GOPC: variants seen among roughly 807,000 people sequenced by gnomAD.
GOPC encodes the protein Golgi-associated PDZ and coiled-coil motif-containing protein.
A neutral mutation model predicts 51.2 loss-of-function variants in GOPC; 32 were observed. The ratio of observed to expected loss-of-function variants is 0.63; its 90% CI spans 0.47 to 0.84. The LOEUF is 0.84. GOPC is among the 40% of genes least tolerant of loss of function. The pLI is 0.00. For synonymous variants in GOPC, 190 were observed against 205.1 expected (o/e 0.93, Z 0.63); for missense variants, 441 against 555.5 (o/e 0.79, Z 2.07).
chr6:117,585,856 G>A (rs951569884), intron 1 of GOPC, among the ~76,000 whole-genome samples: 2 of 152,158 alleles, frequency 1.3e-5, no homozygotes, highest in African/African-American at 4.8e-5. Context: ...AACAGATGCA[G>A]GTACAGATAT....
At chr6:117,589,940 CA>C (rs1349037389) in intron 1 of GOPC, among the ~76,000 whole-genome samples, 2 of 151,964 alleles carry the variant, frequency 1.3e-5, no homozygotes, top group Non-Finnish European at 2.9e-5. Context: ...AATTTTTTCC[CA>C]AAATAAGATA....
chr6:117,571,859 A>T (rs754170152), intron 5 of GOPC, among the ~76,000 whole-genome samples: 1 of 152,076 alleles, frequency 6.6e-6, no homozygotes, highest in Admixed American at 6.6e-5. Context: ...AGTTTTTATT[A>T]CACTACTTTC....
chr6:117,569,747 C>A lies in GOPC; in HGVS notation c.913-11G>T. On this transcript the variant is annotated splice_polypyrimidine_tract_variant and intron_variant, in intron 6 of 8. Transcript: ENST00000368498. Reference sequence around the variant, plus strand: ...ATGTTCTTTCCCACCCTAACAACAACAAAGGGCAGTAAATTAAAGTACTCT... The same window carrying A: ...ATGTTCTTTCCCACCCTAACAACAAAAAAGGGCAGTAAATTAAAGTACTCT... The A allele has an allele frequency of 6.4e-7, 1 of 1,568,246 alleles. No homozygotes were observed. The highest frequency in any genetic ancestry group is 8.6e-7 in the Non-Finnish European group (1 of 1,162,496).
intron 1 of GOPC, among the ~76,000 whole-genome samples, chr6:117,599,297 A>G (rs1363800586): frequency 2.0e-5 from 3 of 152,212 alleles, no homozygotes; most frequent in Admixed American, 2.0e-4. Flanking sequence ...CTTAATGTCC[A>G]TATAATTAAA....
intron 1 of GOPC, among the ~76,000 whole-genome samples, chr6:117,583,205 A>G (rs1243026604): frequency 6.6e-6 from 1 of 152,018 alleles, no homozygotes; most frequent in East Asian, 1.9e-4. Flanking sequence ...CAGTTCTCAT[A>G]CTCGTTTGCT....
At chr6:117,580,047 A>G (rs1779936087) in intron 1 of GOPC, among the ~76,000 whole-genome samples, 1 of 152,102 alleles carries the variant, frequency 6.6e-6, no homozygotes, top group African/African-American at 2.4e-5. Context: ...AAAAAGATTC[A>G]TACTGAAAGT....
Position 117,570,974 on chromosome 6 carries a change from GA to G in GOPC, c.817-20del. The G allele has an allele frequency of 7.7e-7, 1 of 1,295,792 alleles. No individual in the cohort carries two copies. Among genetic ancestry groups the G allele is most frequent in the Non-Finnish European group, 1.1e-6 (1 of 907,660 alleles). 80.3% of individuals were successfully genotyped at this position (1,295,792 alleles called of 1,614,324 possible). ...CTTGATCCTTATTGGGAGGAAAAAA[GA>G]AGAAAAAGTAGTATCATTTAAATAG... On this transcript the variant is annotated intron_variant, in intron 5 of 8. Transcript: ENST00000368498.
intron 4 of GOPC, among the ~76,000 whole-genome samples, chr6:117,574,802 C>G (rs892740931): frequency 6.6e-5 from 10 of 152,110 alleles, no homozygotes; most frequent in African/African-American, 9.7e-5. Flanking sequence ...AAGAGTAGGC[C>G]AGGTGCGGTG....
Position 117,602,347 on chromosome 6 carries a change from G to A in GOPC, c.-59C>T. On this transcript the variant is annotated 5_prime_UTR_variant, in exon 1 of 9. Transcript: ENST00000368498. ...ACCCTCGCCGCCCCCCGCGCACGAA[G>A]GGAACTGCTGGGACTGAGGGGACCC... 6.8e-7 allele frequency: 1 copy of A among 1,478,334 alleles called. No homozygotes were observed. Among genetic ancestry groups the A allele is most frequent in the Admixed American group, 2.4e-5 (1 of 42,410 alleles). 91.6% of individuals were successfully genotyped at this position (1,478,334 alleles called of 1,614,324 possible).
rs764880210 is a variant in GOPC, at chr6:117,566,845, GATT to G, written c.1258+6_1258+8del. The G allele has an allele frequency of 6.6e-7, 1 of 1,526,076 alleles. No individual in the cohort carries two copies. The highest frequency in any genetic ancestry group is 1.3e-5 in the South Asian group (1 of 76,250). The allele number at this position is 1,526,076 out of a possible 1,614,324, so 94.5% of individuals were successfully genotyped here. A position where few individuals can be genotyped will look rare whatever the true frequency, so the allele number is the denominator to read the frequency against. ...ATATGTTAATAATAATTTTTAGAGT[GATT>G]TTTACCTTGTAATACTTTGATTTCC... is the stretch of plus-strand genomic sequence containing the variant. On this transcript the variant is annotated splice_donor_region_variant and intron_variant, in intron 8 of 8. Transcript: ENST00000368498.
At chr6:117,599,569 CACAA>C (rs1319497287) in intron 1 of GOPC, among the ~76,000 whole-genome samples, 1 of 152,236 alleles carries the variant, frequency 6.6e-6, no homozygotes, top group East Asian at 1.9e-4. Flanking sequence ...ACTGAAAAAA[CACAA>C]ACAAATGAAC....
intron 8 of GOPC, among the ~76,000 whole-genome samples, chr6:117,564,054 T>A (rs1427965290): frequency 1.3e-5 from 2 of 151,740 alleles, no homozygotes; most frequent in African/African-American, 4.8e-5. Flanking sequence ...TACGGCTCAC[T>A]GCTGCCTTGA....
intron 3 of GOPC, among the ~76,000 whole-genome samples, chr6:117,576,168 T>C (rs563527487): frequency 3.3e-5 from 5 of 152,086 alleles, no homozygotes; most frequent in South Asian, 4.1e-4. Flanking sequence ...TATTTACATA[T>C]ACACACACAC....
chr6:117,582,181 T>C (rs1562143707), intron 1 of GOPC, among the ~76,000 whole-genome samples: 1 of 151,894 alleles, frequency 6.6e-6, no homozygotes, highest in Non-Finnish European at 1.5e-5. Flanking sequence ...CTCTTGCCTA[T>C]TTTTCTAGAG....
At chr6:117,581,869 A>G (rs140824854) in intron 1 of GOPC, among the ~76,000 whole-genome samples, 20 of 152,244 alleles carry the variant, frequency 1.3e-4, no homozygotes, top group Admixed American at 5.2e-4. Context: ...TCTTGAGTAT[A>G]TATCTAGGAG....
chr6:117,589,915 TTTTCAATCAG>T (rs955961289), intron 1 of GOPC, among the ~76,000 whole-genome samples: 1 of 152,198 alleles, frequency 6.6e-6, no homozygotes, highest in African/African-American at 2.4e-5. Context: ...TTTAAAGTTA[TTTTCAATCAG>T]TTTCAATTTT....
chr6:117,578,299 G>T (rs911207610), intron 2 of GOPC, among the ~76,000 whole-genome samples: 2 of 152,098 alleles, frequency 1.3e-5, no homozygotes, highest in Non-Finnish European at 2.9e-5. Context: ...TACTGAGAAA[G>T]ATTTAATAAT....
At position 117,600,771 on chromosome 6, in the gene GOPC, GA is replaced by G. The variant is rs555604155; in HGVS notation, c.285+1232del. 1.2e-3 allele frequency among the ~76,000 whole-genome samples: 180 copies of G among 152,272 alleles called. 2 individuals are homozygous for G. Among genetic ancestry groups the G allele is most frequent in the East Asian group, 7.9e-3 (41 of 5,182 alleles). On this transcript the variant is annotated intron_variant, in intron 1 of 8. Coordinates refer to ENST00000368498, the MANE Select transcript of GOPC (RefSeq NM_020399.4). ...AAATTACTACCAATAAAGAAATCAA[GA>G]GATGTTTTCATTTACCTACAGTAAG...
intron 1 of GOPC, among the ~76,000 whole-genome samples, chr6:117,584,145 G>GT (rs1779998030): frequency 6.6e-6 from 1 of 152,184 alleles, no homozygotes; most frequent in Admixed American, 6.5e-5. Context: ...ACCTCAAAGT[G>GT]TTTTTCCTAT....
Sources: allele counts gnomAD v4.1 joint callset (sites outside exome capture counted in the v4.1 genomes callset), GRCh38; gene constraint gnomAD v4.1.1; transcripts MANE v1.5; gene names NCBI Gene and HGNC (gene_info 2026-07-23, HGNC 2026-07-21).